Variants in CAMTA1 observed in about 807,000 individuals in gnomAD.
CAMTA1 encodes the protein calmodulin-binding transcription activator 1.
In CAMTA1, 27 loss-of-function variants were observed where a neutral mutation model predicts 170.9. The ratio of observed to expected loss-of-function variants is 0.16; its 90% CI spans 0.12 to 0.22. CAMTA1 has a LOEUF of 0.22. Among genes scored for constraint, CAMTA1 ranks in the 10% least tolerant of loss-of-function variants. The pLI is 1.00. For missense variants in CAMTA1, 1,619 were observed against 2,217.2 expected (o/e 0.73, Z 5.42); for synonymous variants, 833 against 891.5 (o/e 0.93, Z 1.17).
chr1:7,235,930 T>G (rs1663760538), intron 4 of CAMTA1, among the ~76,000 whole-genome samples: 1 of 152,186 alleles, frequency 6.6e-6, no homozygotes, highest in Non-Finnish European at 1.5e-5. Flanking sequence ...TCCTTATTAT[T>G]CGTATGGCTC....
intron 5 of CAMTA1, among the ~76,000 whole-genome samples, chr1:7,447,031 G>T (rs1304808772): frequency 6.6e-6 from 1 of 152,140 alleles, no homozygotes; most frequent in Non-Finnish European, 1.5e-5. Flanking sequence ...CCAGATGGAG[G>T]AGTCAAGGTG....
At chr1:7,408,992 G>A (rs1201925429) in intron 5 of CAMTA1, among the ~76,000 whole-genome samples, 1 of 152,210 alleles carries the variant, frequency 6.6e-6, no homozygotes, top group African/African-American at 2.4e-5. Flanking sequence ...CACTCCTCCT[G>A]TCCCAGCCTC....
chr1:7,468,040 C>T (rs1167351995), intron 6 of CAMTA1, 139 bp downstream of exon 6: 4 of 712,162 alleles, frequency 5.6e-6, no homozygotes, highest in Non-Finnish European at 9.8e-6. Flanking sequence ...GAGACTTCGG[C>T]TGTTGCGGCA....
At chr1:7,628,756 G>T (rs1339224312) in intron 6 of CAMTA1, among the ~76,000 whole-genome samples, 5 of 152,272 alleles carry the variant, frequency 3.3e-5, no homozygotes, top group Non-Finnish European at 7.3e-5. Context: ...GCTTGGAGAG[G>T]ATGGAAGAGA....
chr1:6,952,786 A>T (rs1362352892), intron 3 of CAMTA1, among the ~76,000 whole-genome samples: 1 of 152,236 alleles, frequency 6.6e-6, no homozygotes, highest in East Asian at 1.9e-4. Context: ...GTGAGCCGAG[A>T]TAACGCCACT....
rs866469422 is a variant in CAMTA1, at chr1:7,310,648, T to C, written c.438+61022T>C. Among the ~76,000 whole-genome samples, 9 of 3,140 alleles carry C rather than the reference T, an allele frequency of 2.9e-3. 1 individual carries two copies. Among genetic ancestry groups the C allele is most frequent in the African/African-American group, 9.2e-3 (8 of 872 alleles). 2.1% of individuals were successfully genotyped at this position (3,140 alleles called of 152,430 possible). On this transcript the variant is annotated intron_variant, in intron 5 of 22. Transcript: ENST00000303635. ...TCTTTCTTTCTTTCTTTCTTTCTTT[T>C]TTCTTTCTTTCTTTCTTTCTTTCCT...
chr1:7,312,316 A>AC (rs1557494749), intron 5 of CAMTA1, among the ~76,000 whole-genome samples: 1 of 151,934 alleles, frequency 6.6e-6, no homozygotes, highest in East Asian at 1.9e-4. Context: ...GAAAAAAAAA[A>AC]CAAAAAACGG....
At chr1:7,512,279 T>C (rs2094211334) in intron 6 of CAMTA1, among the ~76,000 whole-genome samples, 1 of 152,196 alleles carries the variant, frequency 6.6e-6, no homozygotes, top group African/African-American at 2.4e-5. Flanking sequence ...TCATCAGTTA[T>C]GTAACATGTG....
At chr1:7,276,303 A>ATATATATATATATATTT in intron 5 of CAMTA1, among the ~76,000 whole-genome samples, 1 of 24,226 alleles carries the variant, frequency 4.1e-5, no homozygotes, top group African/African-American at 3.0e-4. Context: ...ATATATATAT[A>ATATATATATATATATTT]TTTTTTTTTT....
rs952139294 is a variant in CAMTA1, at chr1:7,320,652, T to G, written c.438+71026T>G. On this transcript the variant is annotated intron_variant, in intron 5 of 22. Coordinates refer to ENST00000303635, the MANE Select transcript of CAMTA1 (RefSeq NM_015215.4). ...CCCCCTGGGCTGTGCTGTGTGTGTT[T>G]TTTTTTTTTTTTTTTTTTTTTTGCT... Among the ~76,000 whole-genome samples the G allele has an allele frequency of 1.2e-4, 14 of 115,616 alleles. No homozygotes were observed. In the East Asian group the frequency reaches 1.6e-3, roughly 13 times the overall value. The allele number at this position is 115,616 out of a possible 152,430, so 75.8% of individuals were successfully genotyped here.
chr1:7,541,858 A>G (rs1368962285), intron 6 of CAMTA1, among the ~76,000 whole-genome samples: 1 of 143,018 alleles, frequency 7.0e-6, no homozygotes, highest in East Asian at 2.0e-4. Context: ...TGCGCTGACC[A>G]CACTGACGTG....
intron 6 of CAMTA1, among the ~76,000 whole-genome samples, chr1:7,564,864 G>A (rs1358650904): frequency 1.3e-5 from 2 of 151,870 alleles, no homozygotes; most frequent in African/African-American, 4.8e-5. Context: ...TGAGAACAAA[G>A]AGACAATGAA....
chr1:7,612,603 C>G (rs1409377181), intron 6 of CAMTA1, among the ~76,000 whole-genome samples: 4 of 152,214 alleles, frequency 2.6e-5, no homozygotes, highest in Non-Finnish European at 5.9e-5. Flanking sequence ...CTCTTCTACC[C>G]AGTATTTCCT....
rs899649136 is a variant in CAMTA1 at position 7,050,578 on chromosome 1, C to T, written c.235-40726C>T. Among the ~76,000 whole-genome samples the T allele has an allele frequency of 1.3e-5, 2 of 152,158 alleles. No homozygotes were observed. The highest frequency in any genetic ancestry group is 2.4e-5 in the African/African-American group (1 of 41,428). ...TCTGCAAACGTCACCTGGCAGTGCC[C>T]AGTTGAGATATCTGTCTCGGCAGTA... On this transcript the variant is annotated intron_variant, in intron 3 of 22. Transcript: ENST00000303635. This position sits in a 1 kb window ranked among gnomAD's most constrained non-coding sequence, Gnocchi z 4.8.
At chr1:7,728,601 A>G (rs11121006) in intron 11 of CAMTA1, among the ~76,000 whole-genome samples, 5,091 of 152,286 alleles carry the variant, frequency 0.033, 229 homozygotes, top group African/African-American at 0.1. Context: ...AGTCATTTCA[A>G]TGGGATGCAT....
intron 5 of CAMTA1, among the ~76,000 whole-genome samples, chr1:7,340,485 A>C (rs1416505425): frequency 6.6e-6 from 1 of 151,770 alleles, no homozygotes; most frequent in African/African-American, 2.4e-5. Context: ...AGGGCCCAGG[A>C]AGTAGCCCTT....
At chr1:7,343,107 G>T (rs1289112568) in intron 5 of CAMTA1, among the ~76,000 whole-genome samples, 3 of 152,210 alleles carry the variant, frequency 2.0e-5, no homozygotes, top group African/African-American at 4.8e-5. Context: ...AGATCGCCCA[G>T]TCTAGCCCAG....
At chr1:7,733,997 C>T (rs962488390) in intron 12 of CAMTA1, among the ~76,000 whole-genome samples, 6 of 152,102 alleles carry the variant, frequency 3.9e-5, no homozygotes, top group African/African-American at 1.4e-4. Flanking sequence ...CGCCCAGGTG[C>T]AGTGCAGTGA....
chr1:6,889,639 T>C (rs1674088109), intron 3 of CAMTA1, among the ~76,000 whole-genome samples: 1 of 152,162 alleles, frequency 6.6e-6, no homozygotes, highest in African/African-American at 2.4e-5. Flanking sequence ...TTTATTATGG[T>C]TAATGTCCAC....
Sources: gnomAD v4.1 joint callset for allele counts (sites outside exome capture counted in the v4.1 genomes callset) on GRCh38, gnomAD v4.1.1 for gene constraint, Gnocchi (gnomAD v3.1) non-coding constraint, MANE v1.5 for transcripts, NCBI Gene and HGNC (gene_info 2026-07-23, HGNC 2026-07-21) for gene names.